The following PRKG2 variants were observed in gnomAD, a reference collection of about 807,000 sequenced individuals.
PRKG2 encodes cGMP-dependent protein kinase 2.
A neutral mutation model predicts 97.2 loss-of-function variants in PRKG2; 33 were observed. The observed-to-expected ratio is 0.34, with a 90% CI of 0.26 to 0.45. The LOEUF (loss-of-function observed/expected upper bound fraction) is 0.45. Among genes scored for constraint, PRKG2 ranks in the 20% least tolerant of loss-of-function variants. The pLI is 1.00. For missense variants in PRKG2, 638 were observed against 900.0 expected (o/e 0.71, Z 3.73); for synonymous variants, 330 against 321.8 (o/e 1.03, Z -0.27).
intron 17 of PRKG2, among the ~76,000 whole-genome samples, chr4:81,100,108 G>T (rs1048959091): frequency 5.9e-5 from 9 of 151,558 alleles, no homozygotes; most frequent in Non-Finnish European, 1.0e-4. Context: ...TTGGTAGGAA[G>T]AATCAATATC....
At chr4:81,110,764 G>GAGAGACAGACAGACAGAC (rs1553919021) in intron 14 of PRKG2, among the ~76,000 whole-genome samples, 153 bp from the exon 15 acceptor site, 4 of 146,222 alleles carry the variant, frequency 2.7e-5, no homozygotes, top group South Asian at 2.3e-4. Context: ...GAGAGAGAGA[G>GAGAGACAGACAGACAGAC]AGACAGACAG....
intron 6 of PRKG2, among the ~76,000 whole-genome samples, chr4:81,164,554 C>G (rs937782138): frequency 1.3e-5 from 2 of 151,976 alleles, no homozygotes; most frequent in Non-Finnish European, 2.9e-5. Flanking sequence ...AAGAGGCAGA[C>G]GGTTGCAAAC....
At chr4:81,188,539 C>T (rs1282769323) in intron 2 of PRKG2, among the ~76,000 whole-genome samples, 1 of 140,454 alleles carries the variant, frequency 7.1e-6, no homozygotes. Flanking sequence ...ACCCAAAGGA[C>T]TATAAATCAT....
At chr4:81,142,741 CA>C (rs1006385579) in intron 11 of PRKG2, 52 bp downstream of exon 11, 578 of 1,448,374 alleles carry the variant, frequency 4.0e-4, no homozygotes, top group South Asian at 1.5e-3. Context: ...GAATATAAAA[CA>C]AAAAAAAAGT....
intron 2 of PRKG2, among the ~76,000 whole-genome samples, chr4:81,179,926 T>C (rs1017799810): frequency 1.3e-5 from 2 of 151,998 alleles, no homozygotes; most frequent in African/African-American, 2.4e-5. Flanking sequence ...ATGGATCACC[T>C]GAGGTCAGGA....
intron 14 of PRKG2, among the ~76,000 whole-genome samples, chr4:81,123,076 T>C (rs1745219740): frequency 6.6e-6 from 1 of 152,248 alleles, no homozygotes; most frequent in Non-Finnish European, 1.5e-5. Flanking sequence ...GCCCATTAGA[T>C]GAAGTGTATT....
intron 9 of PRKG2, 79 bp downstream of exon 9, chr4:81,148,805 C>G: frequency 8.2e-7 from 1 of 1,213,248 alleles, no homozygotes; most frequent in Non-Finnish European, 1.2e-6. Flanking sequence ...AATGAGAAAA[C>G]AGATCGGCCT....
At chr4:81,140,344 TGG>T (rs1261225929) in intron 12 of PRKG2, among the ~76,000 whole-genome samples, 187 bp downstream of exon 12, 15 of 152,200 alleles carry the variant, frequency 9.9e-5, no homozygotes, top group African/African-American at 3.4e-4. Context: ...CTCAAGGGGA[TGG>T]ATACCCCATT....
At chr4:81,165,277 C>T (rs1749881597) in intron 6 of PRKG2, among the ~76,000 whole-genome samples, 1 of 152,154 alleles carries the variant, frequency 6.6e-6, no homozygotes, top group East Asian at 1.9e-4. Context: ...TAAGTTTCAA[C>T]AAATACATCA....
intron 2 of PRKG2, among the ~76,000 whole-genome samples, chr4:81,198,178 C>G (rs1753079950): frequency 6.6e-6 from 1 of 152,132 alleles, no homozygotes; most frequent in Non-Finnish European, 1.5e-5. Context: ...GCAACTAAGA[C>G]TAGAAGTTTT....
intron 14 of PRKG2, among the ~76,000 whole-genome samples, chr4:81,134,028 C>A (rs1052589270): frequency 1.3e-5 from 2 of 152,072 alleles, no homozygotes; most frequent in African/African-American, 4.8e-5. Flanking sequence ...TGATTGGGGT[C>A]CTGTGTTAGT....
At position 81,088,067 on chromosome 4, in the gene PRKG2, C is replaced by A. The variant is rs1741249239; in HGVS notation, c.*1641G>T. ...AAATCTTTAAAAACTCTTAGAAATT[C>A]TTTAAGCAGGTTATGTCAATCCTAT... is the stretch of plus-strand genomic sequence containing the variant. On this transcript the variant is annotated 3_prime_UTR_variant, in exon 19 of 19. Coordinates refer to ENST00000264399, the MANE Select transcript of PRKG2 (RefSeq NM_006259.3). 6.6e-6 allele frequency: 1 copy of A among 152,072 alleles called. No homozygotes were observed. The highest frequency in any genetic ancestry group is 6.6e-5 in the Admixed American group (1 of 15,264). The allele number at this position is 152,072 out of a possible 1,614,324, so 9.4% of individuals were successfully genotyped here. A position where few individuals can be genotyped will look rare whatever the true frequency, so the allele number is the denominator to read the frequency against.
chr4:81,101,275 A>G (rs1434511922), intron 17 of PRKG2, among the ~76,000 whole-genome samples: 1 of 152,194 alleles, frequency 6.6e-6, no homozygotes, highest in African/African-American at 2.4e-5. Context: ...ACGTACGTTT[A>G]TTGGGGCACT....
At chr4:81,137,609 C>T in intron 12 of PRKG2, 127 bp from the exon 13 acceptor site, 2 of 688,068 alleles carry the variant, frequency 2.9e-6, no homozygotes, top group Admixed American at 2.6e-5. Flanking sequence ...TACCCCACAA[C>T]TACACTGGGC....
At chr4:81,164,701 T>C (rs1749839553) in intron 6 of PRKG2, among the ~76,000 whole-genome samples, 2 of 152,092 alleles carry the variant, frequency 1.3e-5, no homozygotes, top group Non-Finnish European at 2.9e-5. Context: ...TGCCTGGGAA[T>C]ATGCCTTCTC....
At chr4:81,193,640 G>T (rs540589745) in intron 2 of PRKG2, among the ~76,000 whole-genome samples, 1 of 152,190 alleles carries the variant, frequency 6.6e-6, no homozygotes, top group Non-Finnish European at 1.5e-5. Context: ...AGGAGTTCTA[G>T]ACCAGCCTGG....
At chr4:81,145,067 T>C (rs1747724444) in intron 9 of PRKG2, among the ~76,000 whole-genome samples, 1 of 152,114 alleles carries the variant, frequency 6.6e-6, no homozygotes, top group African/African-American at 2.4e-5. Flanking sequence ...GCAATAAACA[T>C]ACATGTGCAT....
At position 81,088,789 on chromosome 4, in the gene PRKG2, C is replaced by T. The variant is rs755257225; in HGVS notation, c.*919G>A. On this transcript the variant is annotated 3_prime_UTR_variant, in exon 19 of 19. Transcript: ENST00000264399. ...ATTTTGGTTTATTAATAGCAACTATCACAGAATTTTTCAAAATACCTCAGA... is the reference window on the plus strand; with the variant it reads ...ATTTTGGTTTATTAATAGCAACTATTACAGAATTTTTCAAAATACCTCAGA... The T allele has an allele frequency of 4.6e-5, 7 of 152,130 alleles. No homozygotes were observed. The highest frequency in any genetic ancestry group is 8.8e-5 in the Non-Finnish European group (6 of 68,004). The allele number at this position is 152,130 out of a possible 1,614,324, so 9.4% of individuals were successfully genotyped here.
At chr4:81,136,671 C>T (rs777428896) in intron 13 of PRKG2, among the ~76,000 whole-genome samples, 2 of 152,040 alleles carry the variant, frequency 1.3e-5, no homozygotes, top group Non-Finnish European at 2.9e-5. Context: ...CCTCTATCAT[C>T]ACATTCTCTC....
Sources: gnomAD v4.1 joint callset for allele counts (sites outside exome capture counted in the v4.1 genomes callset) on GRCh38, gnomAD v4.1.1 for gene constraint, MANE v1.5 for transcripts, NCBI Gene and HGNC (gene_info 2026-07-23, HGNC 2026-07-21) for gene names.